ITIH5: variants seen among roughly 807,000 people sequenced by gnomAD.
The protein encoded by ITIH5 is inter-alpha-trypsin inhibitor heavy chain H5.
ITIH5 carries 65 observed loss-of-function variants against 77.5 expected under a neutral mutation model. The observed-to-expected ratio is 0.84, with a 90% CI of 0.69 to 1.03. The LOEUF (loss-of-function observed/expected upper bound fraction) is 1.03. Among genes scored for constraint, ITIH5 ranks in the 50% least tolerant of loss-of-function variants. The pLI, the probability that ITIH5 is intolerant of heterozygous loss-of-function variation, is 0.00. For synonymous variants in ITIH5, 525 were observed against 494.3 expected, an observed-to-expected ratio of 1.06 and a Z score of -0.82; for missense variants, 1,208 against 1,213.1, an observed-to-expected ratio of 1.00 and a Z score of 0.06.
intron 8 of ITIH5, among the ~76,000 whole-genome samples, chr10:7,584,038 C>T (rs960417101): frequency 2.6e-5 from 4 of 152,172 alleles, no homozygotes; most frequent in African/African-American, 4.8e-5. Flanking sequence ...ATCCTGGTAA[C>T]GATTCCATTG....
At chr10:7,619,659 C>A (rs561490363) in intron 5 of ITIH5, 3 of 298,568 alleles carry the variant, frequency 1.0e-5, no homozygotes, top group Admixed American at 3.5e-5. Flanking sequence ...GTCTACAAGG[C>A]GGCAGGAGCG....
At chr10:7,572,516 A>G (rs1297590132) in intron 11 of ITIH5, 2 of 1,225,148 alleles carry the variant, frequency 1.6e-6, no homozygotes, top group African/African-American at 1.6e-5. Flanking sequence ...CCGGATCTCT[A>G]AAACAAATGT....
At chr10:7,661,874 T>C (rs937186344) in intron 1 of ITIH5, among the ~76,000 whole-genome samples, 6 of 152,068 alleles carry the variant, frequency 3.9e-5, no homozygotes, top group Non-Finnish European at 8.8e-5. Flanking sequence ...CTAATTTTTG[T>C]ACTTTTAGTA....
At position 7,566,281 on chromosome 10, in the gene ITIH5, G is replaced by A. The variant is rs142273567; in HGVS notation, c.2276C>T (p.Thr759Ile). Residue 759 changes from threonine (T) to isoleucine (I), a missense_variant, in exon 13 of 14, where the codon ACA becomes ATA. Thr to Ile is a moderately conservative substitution (Grantham distance 89). Coordinates refer to ENST00000397146, the MANE Select transcript of ITIH5 (RefSeq NM_030569.7). Reference sequence around the variant, plus strand: ...ACCATCCAAGATGACTCTGCTCGGTGTGATCTCGAGATAAGATCTCTCTGG... The same window carrying A: ...ACCATCCAAGATGACTCTGCTCGGTATGATCTCGAGATAAGATCTCTCTGG... ...NKPERSYLEI[T>I]PSRVILDGGD... The A allele has an allele frequency of 6.2e-7, 1 of 1,613,664 alleles. No individual in the cohort carries two copies. The highest frequency in any genetic ancestry group is 2.2e-5 in the East Asian group (1 of 44,876).
rs757629756 is a variant in ITIH5 at position 7,572,421 on chromosome 10, C to T, written c.2032+721G>A. ...GAACTGAAAAAAATGAAAACAAAAACAAAGCCTGCCTGTCACACCAGACAT... is the reference window on the plus strand; with the variant it reads ...GAACTGAAAAAAATGAAAACAAAAATAAAGCCTGCCTGTCACACCAGACAT... On this transcript the variant is annotated intron_variant, in intron 11 of 13. Coordinates refer to ENST00000397146, the MANE Select transcript of ITIH5 (RefSeq NM_030569.7). 9.6e-6 allele frequency: 13 copies of T among 1,359,818 alleles called. 1 individual carries two copies. The highest frequency in any genetic ancestry group is 4.2e-4 in the Middle Eastern group (2 of 4,774). 84.2% of individuals were successfully genotyped at this position (1,359,818 alleles called of 1,614,324 possible). A position where few individuals can be genotyped will look rare whatever the true frequency, so the allele number is the denominator to read the frequency against.
chr10:7,633,286 AT>A (rs201267989), intron 5 of ITIH5, among the ~76,000 whole-genome samples: 1,544 of 152,314 alleles, frequency 0.01, 27 homozygotes, highest in African/African-American at 0.036. Context: ...AGAAATTATA[AT>A]GTTTCATCTT....
chr10:7,603,557 T>G (rs1005052738), intron 7 of ITIH5, among the ~76,000 whole-genome samples: 5 of 152,178 alleles, frequency 3.3e-5, no homozygotes, highest in African/African-American at 7.2e-5. Context: ...GTGAATTCTA[T>G]CTCAACAACG....
intron 13 of ITIH5, 152 bp from the exon 14 acceptor site, chr10:7,563,536 G>A: frequency 1.5e-6 from 1 of 686,660 alleles, no homozygotes; most frequent in South Asian, 1.9e-5. Context: ...ATGTGCTCTG[G>A]GGGGCAGGGT....
At chr10:7,589,410 G>T (rs1588379411) in intron 7 of ITIH5, among the ~76,000 whole-genome samples, 1 of 152,238 alleles carries the variant, frequency 6.6e-6, no homozygotes, top group African/African-American at 2.4e-5. Context: ...AGTGAGCTGG[G>T]ATCATGCCAC....
chr10:7,613,089 A>G (rs1485061070), intron 7 of ITIH5, among the ~76,000 whole-genome samples: 1 of 152,144 alleles, frequency 6.6e-6, no homozygotes, highest in Non-Finnish European at 1.5e-5. Flanking sequence ...TACTAAAAAT[A>G]CAAAAATTAG....
intron 5 of ITIH5, chr10:7,618,879 G>A (rs1833421512): frequency 6.6e-6 from 1 of 152,178 alleles, no homozygotes. Flanking sequence ...ATTTTTCAGA[G>A]ACAATTTAGG....
chr10:7,616,181 C>T, intron 6 of ITIH5, 83 bp from the exon 7 acceptor site: 2 of 794,266 alleles, frequency 2.5e-6, no homozygotes, highest in Non-Finnish European at 2.2e-6. Context: ...TATGGAATTT[C>T]TAAAAGTTAA....
chr10:7,566,883 A>G (rs572421818), intron 12 of ITIH5, among the ~76,000 whole-genome samples: 2 of 120,174 alleles, frequency 1.7e-5, no homozygotes, highest in African/African-American at 3.6e-5. Flanking sequence ...AAGAAGAAGA[A>G]GAAGAAGAAG....
chr10:7,569,504 T>C (rs1832253854), intron 12 of ITIH5, 164 bp downstream of exon 12: 1 of 460,924 alleles, frequency 2.2e-6, no homozygotes, highest in Non-Finnish European at 3.9e-6. Flanking sequence ...GGGAGTCGGA[T>C]GCATAAGTCC....
rs1211625737 is a variant in ITIH5, at chr10:7,637,121, G to C, written c.652+107C>G. On this transcript the variant is annotated intron_variant, in intron 5 of 13. Transcript: ENST00000397146. ...ATTCCAGTTCCTACAAAAATGCAAAGGCTTTGCTGAAGGGAAGGGTGCCAT... is the reference window on the plus strand; with the variant it reads ...ATTCCAGTTCCTACAAAAATGCAAACGCTTTGCTGAAGGGAAGGGTGCCAT... 1.4e-5 allele frequency: 19 copies of C among 1,357,130 alleles called. No homozygotes were observed. In the African/African-American group the frequency reaches 2.0e-4, roughly 14 times the overall value. The allele number at this position is 1,357,130 out of a possible 1,614,324, so 84.1% of individuals were successfully genotyped here. A position where few individuals can be genotyped will look rare whatever the true frequency, so the allele number is the denominator to read the frequency against.
chr10:7,656,746 C>CTT (rs34745417), intron 1 of ITIH5, among the ~76,000 whole-genome samples: 1 of 112,846 alleles, frequency 8.9e-6, no homozygotes, highest in African/African-American at 3.5e-5. Flanking sequence ...GTCTATTTTT[C>CTT]TTTTTTTTTT....
At chr10:7,603,974 G>A (rs1468995724) in intron 7 of ITIH5, among the ~76,000 whole-genome samples, 5 of 152,258 alleles carry the variant, frequency 3.3e-5, no homozygotes, top group East Asian at 3.9e-4. Flanking sequence ...TGTCGTGAGC[G>A]TCTTCTCAGA....
chr10:7,616,996 C>T, intron 6 of ITIH5, 117 bp downstream of exon 6: 2 of 658,138 alleles, frequency 3.0e-6, no homozygotes, highest in Non-Finnish European at 4.7e-6. Context: ...TGGATTAAAA[C>T]AAATTTACTA....
chr10:7,631,423 A>G (rs1833710307), intron 5 of ITIH5, among the ~76,000 whole-genome samples: 1 of 152,224 alleles, frequency 6.6e-6, no homozygotes, highest in Non-Finnish European at 1.5e-5. Flanking sequence ...CCACAAGTCC[A>G]AGAAGCCAGA....
Sources: gnomAD v4.1 joint callset for allele counts (sites outside exome capture counted in the v4.1 genomes callset) on GRCh38, gnomAD v4.1.1 for gene constraint, MANE v1.5 for transcripts, NCBI Gene and HGNC (gene_info 2026-07-23, HGNC 2026-07-21) for gene names.